Variants in CHDH observed in about 807,000 individuals in gnomAD.
CHDH encodes choline dehydrogenase, also known as choline dehydrogenase, mitochondrial.
In CHDH, 43 loss-of-function variants were observed where a neutral mutation model predicts 56.9. The observed-to-expected ratio is 0.76, with a 90% CI of 0.59 to 0.97. The LOEUF (loss-of-function observed/expected upper bound fraction) is 0.97. Among genes scored for constraint, CHDH ranks in the 50% least tolerant of loss-of-function variants. The pLI is 0.00. For missense variants in CHDH, 816 were observed against 821.1 expected, an observed-to-expected ratio of 0.99 and a Z score of 0.08; for synonymous variants, 364 against 348.5, an observed-to-expected ratio of 1.04 and a Z score of -0.50.
intron 2 of CHDH, 40 bp from the exon 3 acceptor site, chr3:53,824,107 A>C (rs574479056): frequency 6.6e-6 from 8 of 1,203,346 alleles, no homozygotes; most frequent in Admixed American, 3.3e-5. Flanking sequence ...TTAACTCCGC[A>C]TATCCAGGGT....
In CHDH at chr3:53,823,951, C is replaced by A; in HGVS notation, c.58G>T (p.Gly20Trp). The change falls in exon 3 of 9, where the codon GGG (glycine) becomes TGG (tryptophan). Residue 20 changes from glycine to tryptophan, a missense_variant. Coordinates refer to ENST00000315251, the MANE Select transcript of CHDH (RefSeq NM_018397.5). The part of the protein sequence containing the change: ...RPGALARGAL[G>W]QQQSLGARAL... ...CGGGCACCCAGGGATTGCTGCTGCCCCAGGGCTCCCCGTGCCAGGGCTCCA... is the reference window on the plus strand; with the variant it reads ...CGGGCACCCAGGGATTGCTGCTGCCACAGGGCTCCCCGTGCCAGGGCTCCA... 1.3e-6 allele frequency: 2 copies of A among 1,520,386 alleles called. No homozygotes were observed. The highest frequency in any genetic ancestry group is 1.8e-6 in the Non-Finnish European group (2 of 1,140,212). The allele number at this position is 1,520,386 out of a possible 1,614,324, so 94.2% of individuals were successfully genotyped here. A position where few individuals can be genotyped will look rare whatever the true frequency, so the allele number is the denominator to read the frequency against.
chr3:53,829,391 G>A (rs1576792900), intron 2 of CHDH, among the ~76,000 whole-genome samples: 1 of 152,114 alleles, frequency 6.6e-6, no homozygotes, highest in Non-Finnish European at 1.5e-5. Flanking sequence ...TGGGCTTTAG[G>A]TGATAATGAT....
rs762460916 is a variant in CHDH, at chr3:53,823,618, AGCCACCCCAGACGCGGCCGCGTG to A, written c.368_390del (p.Pro123LeufsTer104). Reference sequence around the variant, plus strand: ...TAGACCATGGCATTGAGGGATGAGGAGCCACCCCAGACGCGGCCGCGTGGCCAGTACAGCACGCGGCCGTCCAG... The same window carrying A: ...TAGACCATGGCATTGAGGGATGAGGAGCCAGTACAGCACGCGGCCGTCCAG... On this transcript the variant is annotated frameshift_variant, in exon 3 of 9. Coordinates refer to ENST00000315251, the MANE Select transcript of CHDH (RefSeq NM_018397.5). LOFTEE classifies it high-confidence loss of function. 1.9e-6 allele frequency: 3 copies of A among 1,543,904 alleles called. No homozygotes were observed. Among genetic ancestry groups the A allele is most frequent in the Non-Finnish European group, 2.6e-6 (3 of 1,146,182 alleles).
In CHDH at chr3:53,819,694, G is replaced by A. The variant is rs1244465050; in HGVS notation, c.1121-20C>T. On this transcript the variant is annotated intron_variant, in intron 6 of 8. Coordinates refer to ENST00000315251, the MANE Select transcript of CHDH (RefSeq NM_018397.5). This position sits in a 1 kb window ranked among gnomAD's most constrained non-coding sequence, Gnocchi z 5.4. Reference sequence around the variant, plus strand: ...CCTCCCCTGAGAAGCAGAAGAGGATGAGGCAGAAGAGCCAGTCAGGCCGTG... The same window carrying A: ...CCTCCCCTGAGAAGCAGAAGAGGATAAGGCAGAAGAGCCAGTCAGGCCGTG... The A allele has an allele frequency of 6.4e-7, 1 of 1,564,526 alleles. No homozygotes were observed. Among genetic ancestry groups the A allele is most frequent in the Non-Finnish European group, 8.7e-7 (1 of 1,153,544 alleles).
At chr3:53,830,152 T>C (rs1232404517) in intron 2 of CHDH, among the ~76,000 whole-genome samples, 1 of 151,982 alleles carries the variant, frequency 6.6e-6, no homozygotes. Flanking sequence ...TTCCCCAAAT[T>C]GATTTATAGA....
Position 53,823,621 on chromosome 3 carries a change from C to T in CHDH, c.388G>A (p.Gly130Ser), listed in dbSNP as rs1395813186. 5.8e-6 allele frequency: 9 copies of T among 1,544,026 alleles called. No individual in the cohort carries two copies. Residue 130 changes from glycine to serine, a missense_variant, in exon 3 of 9, where the codon GGC becomes AGC. Transcript: ENST00000315251. ...ACCATGGCATTGAGGGATGAGGAGC[C>T]ACCCCAGACGCGGCCGCGTGGCCAG... ...LYWPRGRVWG[G>S]SSSLNAMVYV...
rs1342899861 is a variant in CHDH at position 53,819,495 on chromosome 3, G to A, written c.1263+37C>T. ...GCATCTTCCTTCCTGGTGGGAAGGA[G>A]ACATCCTGGGAAGCCGAGGCTCTTC... On this transcript the variant is annotated intron_variant, in intron 7 of 8. Coordinates refer to ENST00000315251, the MANE Select transcript of CHDH (RefSeq NM_018397.5). This position sits in a 1 kb window ranked among gnomAD's most constrained non-coding sequence, Gnocchi z 5.4. 1.3e-6 allele frequency: 2 copies of A among 1,573,208 alleles called. No homozygotes were observed. Among genetic ancestry groups the A allele is most frequent in the Non-Finnish European group, 1.7e-6 (2 of 1,159,818 alleles).
At position 53,823,667 on chromosome 3, in the gene CHDH, G is replaced by A. The variant is rs1434616909; in HGVS notation, c.342C>T (p.Gly114=). 1.3e-6 allele frequency: 2 copies of A among 1,546,404 alleles called. No homozygotes were observed. The highest frequency in any genetic ancestry group is 1.7e-6 in the Non-Finnish European group (2 of 1,146,526). ...NWCYHTEVQR[G]LDGRVLYWPR... is the part of the protein sequence containing the mutation. ...GCCAGTACAGCACGCGGCCGTCCAG[G>A]CCCCGCTGCACCTCTGTGTGGTAGC... Residue 114 remains glycine (G), a synonymous_variant, in exon 3 of 9, where the codon GGC becomes GGT. Coordinates refer to ENST00000315251, the MANE Select transcript of CHDH (RefSeq NM_018397.5).
At position 53,816,932 on chromosome 3, in the gene CHDH, ACCT is replaced by A. The variant is rs1559744913; in HGVS notation, c.*842_*844del. The A allele has an allele frequency of 1.3e-5, 2 of 148,970 alleles. No individual in the cohort carries two copies. Among genetic ancestry groups the A allele is most frequent in the African/African-American group, 5.0e-5 (2 of 39,854 alleles). 9.2% of individuals were successfully genotyped at this position (148,970 alleles called of 1,614,324 possible). On this transcript the variant is annotated 3_prime_UTR_variant, in exon 9 of 9. Coordinates refer to ENST00000315251, the MANE Select transcript of CHDH (RefSeq NM_018397.5). ...GCCATCAGGGTTCACAGGAGCCTCAACCTCCTGGGCTAAAGCCATCCTCCCGCC... is the reference window on the plus strand; with the variant it reads ...GCCATCAGGGTTCACAGGAGCCTCAACCTGGGCTAAAGCCATCCTCCCGCC...
chr3:53,821,549 C>T (rs548581951), intron 5 of CHDH, 98 bp downstream of exon 5: 4 of 1,086,892 alleles, frequency 3.7e-6, no homozygotes, highest in African/African-American at 3.1e-5. Context: ...GGATCACTGA[C>T]TGCCACCACC....
intron 2 of CHDH, among the ~76,000 whole-genome samples, chr3:53,825,115 G>C (rs965371072): frequency 1.3e-5 from 2 of 152,162 alleles, no homozygotes; most frequent in Admixed American, 1.3e-4. Flanking sequence ...CTCCCCACCA[G>C]ACTGACAACA....
At chr3:53,845,586 A>C (rs1698840530) in intron 1 of CHDH, among the ~76,000 whole-genome samples, 1 of 152,072 alleles carries the variant, frequency 6.6e-6, no homozygotes, top group Admixed American at 6.5e-5. Flanking sequence ...TGTGTCTCAA[A>C]GGATGGTCCC....
intron 2 of CHDH, among the ~76,000 whole-genome samples, chr3:53,839,387 G>A (rs2106984544): frequency 6.6e-6 from 1 of 152,292 alleles, no homozygotes; most frequent in East Asian, 1.9e-4. Context: ...AGTATAGAAT[G>A]GATAAATGAG....
intron 2 of CHDH, among the ~76,000 whole-genome samples, chr3:53,827,332 C>G (rs1332110035): frequency 6.6e-6 from 1 of 152,190 alleles, no homozygotes; most frequent in Non-Finnish European, 1.5e-5. Context: ...CCTTCACCTT[C>G]TGCCATGATT....
intron 1 of CHDH, among the ~76,000 whole-genome samples, chr3:53,842,850 G>A (rs1331531918): frequency 6.6e-6 from 1 of 152,194 alleles, no homozygotes; most frequent in Non-Finnish European, 1.5e-5. Context: ...GGGGTTGAGG[G>A]AGCACCGAGG....
chr3:53,822,214 G>A (rs993782062), intron 4 of CHDH, among the ~76,000 whole-genome samples: 18 of 151,926 alleles, frequency 1.2e-4, no homozygotes, highest in African/African-American at 3.9e-4. Flanking sequence ...CTGTGACATC[G>A]GTGCCTTGAA....
In CHDH at chr3:53,823,891, C is replaced by T. The variant is rs755789977; in HGVS notation, c.118G>A (p.Glu40Lys). The T allele has an allele frequency of 1.9e-6, 3 of 1,582,268 alleles. No individual in the cohort carries two copies. In the South Asian group the frequency reaches 3.4e-5, roughly 18 times the overall value. The change falls in exon 3 of 9, where the codon GAG becomes AAG. Residue 40 changes from glutamate (E) to lysine (K), a missense_variant. Coordinates refer to ENST00000315251, the MANE Select transcript of CHDH (RefSeq NM_018397.5). ...GCGCCCACCACCACATAGCTGTACT[C>T]GTCCCGGCTCTCAGAGCCTGCGCTG... ...LASAGSESRD[E>K]YSYVVVGAGS...
At chr3:53,827,313 C>T (rs1030563432) in intron 2 of CHDH, among the ~76,000 whole-genome samples, 1 of 152,136 alleles carries the variant, frequency 6.6e-6, no homozygotes, top group Non-Finnish European at 1.5e-5. Flanking sequence ...GTAAGACATG[C>T]CTGCTTCCCC....
At chr3:53,842,372 C>A (rs1389487454) in intron 1 of CHDH, among the ~76,000 whole-genome samples, 2 of 152,144 alleles carry the variant, frequency 1.3e-5, no homozygotes, top group African/African-American at 4.8e-5. Context: ...TGCATGTGCC[C>A]AACATACGGC....
Sources: allele counts gnomAD v4.1 joint callset (sites outside exome capture counted in the v4.1 genomes callset), GRCh38; gene constraint gnomAD v4.1.1; non-coding constraint Gnocchi (gnomAD v3.1); transcripts MANE v1.5; gene names NCBI Gene and HGNC (gene_info 2026-07-23, HGNC 2026-07-21).